SOX5: variants seen among roughly 807,000 people sequenced by gnomAD.
SOX5 encodes SRY-box transcription factor 5, also known as transcription factor SOX-5.
In SOX5, 9 loss-of-function variants were observed where a neutral mutation model predicts 92.0. That is an observed-to-expected ratio of 0.10 (90% CI 0.06 to 0.17). SOX5 has a LOEUF of 0.17. SOX5 is among the 10% of genes least tolerant of loss of function. The pLI, the probability that SOX5 is intolerant of heterozygous loss-of-function variation, is 1.00. For synonymous variants in SOX5, 344 were observed against 336.3 expected (o/e 1.02, Z -0.25); for missense variants, 642 against 944.5 (o/e 0.68, Z 4.20).
chr12:23,749,670 CAT>C (rs1594009891), intron 4 of SOX5, among the ~76,000 whole-genome samples: 1 of 151,862 alleles, frequency 6.6e-6, no homozygotes, highest in Admixed American at 6.6e-5. Context: ...CTCTATAAAA[CAT>C]ATTATTAAAA....
intron 4 of SOX5, among the ~76,000 whole-genome samples, chr12:24,013,495 C>G (rs1367190105): frequency 6.6e-6 from 1 of 152,114 alleles, no homozygotes; most frequent in African/African-American, 2.4e-5. Flanking sequence ...GTGCCATTGC[C>G]AAGAGTAACC....
At chr12:23,877,131 TAAAGTA>T (rs956064326) in intron 2 of SOX5, among the ~76,000 whole-genome samples, 2 of 152,146 alleles carry the variant, frequency 1.3e-5, no homozygotes, top group African/African-American at 4.8e-5. Flanking sequence ...TCCCAGAACT[TAAAGTA>T]TAATAAAAAA....
chr12:23,996,776 A>G (rs1158163395), intron 4 of SOX5, among the ~76,000 whole-genome samples: 1 of 152,236 alleles, frequency 6.6e-6, no homozygotes, highest in Admixed American at 6.5e-5. Context: ...GAACAGGTAC[A>G]TGCACAGGGC....
intron 3 of SOX5, among the ~76,000 whole-genome samples, chr12:23,769,520 T>C (rs1057134567): frequency 1.3e-5 from 2 of 152,180 alleles, no homozygotes; most frequent in African/African-American, 2.4e-5. Context: ...CACCAGCAGC[T>C]CTAGGCTCTC....
At chr12:23,561,868 TC>T (rs1406488425) in intron 11 of SOX5, among the ~76,000 whole-genome samples, 2 of 150,882 alleles carry the variant, frequency 1.3e-5, no homozygotes, top group East Asian at 3.9e-4. Context: ...AACTGCTGTA[TC>T]CACAGCTGAA....
At chr12:24,499,126 A>G (rs1179477759) in intron 1 of SOX5, among the ~76,000 whole-genome samples, 1 of 152,158 alleles carries the variant, frequency 6.6e-6, no homozygotes, top group Non-Finnish European at 1.5e-5. Context: ...TCGCCATCAG[A>G]AATTAAGTGT....
At chr12:23,830,717 C>T (rs917258603) in intron 3 of SOX5, among the ~76,000 whole-genome samples, 9 of 152,082 alleles carry the variant, frequency 5.9e-5, no homozygotes, top group African/African-American at 9.7e-5. Flanking sequence ...GGATTTTGAA[C>T]TTAGGAAAGC....
At chr12:23,902,494 C>A (rs1318605876) in intron 1 of SOX5, among the ~76,000 whole-genome samples, 3 of 152,110 alleles carry the variant, frequency 2.0e-5, no homozygotes, top group Admixed American at 1.3e-4. Context: ...TTCTACAAAG[C>A]CATCCCTTCC....
At chr12:24,471,237 T>C (rs555798111) in intron 1 of SOX5, among the ~76,000 whole-genome samples, 3 of 152,288 alleles carry the variant, frequency 2.0e-5, no homozygotes, top group African/African-American at 7.2e-5. Context: ...GAATAAATTA[T>C]GAATTTTAAA....
chr12:24,427,590 G>A (rs1175929751), intron 1 of SOX5, among the ~76,000 whole-genome samples: 4 of 152,184 alleles, frequency 2.6e-5, no homozygotes, highest in African/African-American at 9.6e-5. Flanking sequence ...AGTATATATC[G>A]GCTATGCATC....
rs561601843 is a variant in SOX5 at position 24,244,938 on chromosome 12, G to A, written c.-76-31521C>T. On this transcript the variant is annotated intron_variant, in intron 3 of 4. Coordinates refer to the SOX5 transcript ENST00000446891. ...ACTCCTGACTTCAGGTGATTCAACC[G>A]CCTCCCAAAGTGCTGGGATTACAGG... Among the ~76,000 whole-genome samples, 9 of 152,134 alleles carry A rather than the reference G, an allele frequency of 5.9e-5. No homozygotes were observed. In the East Asian group the frequency reaches 9.7e-4, roughly 16 times the overall value.
At chr12:24,276,694 T>C (rs949908205) in intron 3 of SOX5, among the ~76,000 whole-genome samples, 4 of 152,140 alleles carry the variant, frequency 2.6e-5, no homozygotes, top group African/African-American at 9.7e-5. Flanking sequence ...CACACACAGA[T>C]AGATGCCCAT....
At chr12:24,330,073 A>G (rs1951128658) in intron 2 of SOX5, among the ~76,000 whole-genome samples, 1 of 152,116 alleles carries the variant, frequency 6.6e-6, no homozygotes, top group South Asian at 2.1e-4. Context: ...GTATCCACCA[A>G]TAGAATTACG....
chr12:24,381,696 T>G (rs544512169), intron 1 of SOX5, among the ~76,000 whole-genome samples: 1 of 152,326 alleles, frequency 6.6e-6, no homozygotes, highest in East Asian at 1.9e-4. Context: ...TTTAAAAAGG[T>G]GGATCATGTC....
chr12:23,864,526 C>T (rs4301871), intron 2 of SOX5, among the ~76,000 whole-genome samples: 104,158 of 152,022 alleles, frequency 0.69, 36,068 homozygotes, highest in East Asian at 0.89. Flanking sequence ...AAAAGTAATA[C>T]TCCACTCAAC....
chr12:23,718,711 A>G (rs542928075), intron 6 of SOX5, among the ~76,000 whole-genome samples: 7 of 152,316 alleles, frequency 4.6e-5, no homozygotes, highest in Admixed American at 2.0e-4. Flanking sequence ...TTGTTATTTC[A>G]TATTTCCTTT....
chr12:24,174,315 C>G (rs58987496), intron 4 of SOX5, among the ~76,000 whole-genome samples: 5,284 of 152,214 alleles, frequency 0.035, 304 homozygotes, highest in African/African-American at 0.12. Context: ...TGAGTTTTGA[C>G]AAACTTCTTA....
chr12:24,198,378 A>G (rs911614290), intron 4 of SOX5, among the ~76,000 whole-genome samples: 1 of 152,226 alleles, frequency 6.6e-6, no homozygotes, highest in African/African-American at 2.4e-5. Context: ...CCTCTTTTTC[A>G]TACAACTTAA....
intron 3 of SOX5, among the ~76,000 whole-genome samples, chr12:23,843,554 C>CTTTTTTTTTTTTTTTTTTTTT (rs71059931): frequency 1.4e-5 from 1 of 71,304 alleles, no homozygotes; most frequent in African/African-American, 6.0e-5. Context: ...GTCATTTCTC[C>CTTTTTTTTTTTTTTTTTTTTT]TTTTTTTTTT....
Sources: allele counts gnomAD v4.1 joint callset (sites outside exome capture counted in the v4.1 genomes callset), GRCh38; gene constraint gnomAD v4.1.1; transcripts MANE v1.5; gene names NCBI Gene and HGNC (gene_info 2026-07-23, HGNC 2026-07-21).